Variants in TSHR observed in about 807,000 individuals in gnomAD.
The protein encoded by TSHR is thyrotropin receptor.
In TSHR, 51 loss-of-function variants were observed where a neutral mutation model predicts 64.1. That is an observed-to-expected ratio of 0.80 (90% CI 0.64 to 1.01). TSHR has a LOEUF of 1.01. Ranked by LOEUF, TSHR falls within the 50% of genes least tolerant of loss-of-function variation. The pLI is 0.00. For missense variants in TSHR, 877 were observed against 942.8 expected (o/e 0.93, Z 0.91); for synonymous variants, 361 against 361.9 (o/e 1.00, Z 0.03).
chr14:81,108,510 A>G (rs1257533781), intron 8 of TSHR, 58 bp downstream of exon 8: 1 of 568,272 alleles, frequency 1.8e-6, no homozygotes, highest in African/African-American at 3.0e-5. Context: ...TTTTTTTTGG[A>G]ATAAATGGAG....
At chr14:81,010,588 CA>C (rs1301950421) in intron 1 of TSHR, among the ~76,000 whole-genome samples, 7 of 151,988 alleles carry the variant, frequency 4.6e-5, no homozygotes, top group Non-Finnish European at 7.4e-5. Context: ...TATGCAACAA[CA>C]TTGCTTAACT....
intron 1 of TSHR, among the ~76,000 whole-genome samples, chr14:80,984,942 TC>T (rs1888362223): frequency 6.6e-6 from 1 of 152,106 alleles, no homozygotes; most frequent in Non-Finnish European, 1.5e-5. Flanking sequence ...TTGTTTTATA[TC>T]CTGAATTAAA....
chr14:81,109,546 A>C (rs1319092144), intron 8 of TSHR, among the ~76,000 whole-genome samples: 2 of 152,388 alleles, frequency 1.3e-5, no homozygotes, highest in Non-Finnish European at 1.5e-5. Context: ...AAATAAGAAC[A>C]AATTAAGTTT....
chr14:81,006,667 C>G (rs1889620472), intron 1 of TSHR, among the ~76,000 whole-genome samples: 1 of 152,134 alleles, frequency 6.6e-6, no homozygotes, highest in Non-Finnish European at 1.5e-5. Flanking sequence ...CACACACCAC[C>G]ATGCCCAGCT....
intron 1 of TSHR, among the ~76,000 whole-genome samples, chr14:80,979,420 G>T (rs1446979691): frequency 6.6e-6 from 1 of 152,194 alleles, no homozygotes; most frequent in Non-Finnish European, 1.5e-5. Flanking sequence ...TAAAGTTACA[G>T]TTAGGTAGGA....
At chr14:81,088,758 C>T (rs1210907107) in intron 4 of TSHR, among the ~76,000 whole-genome samples, 1 of 151,996 alleles carries the variant, frequency 6.6e-6, no homozygotes, top group Non-Finnish European at 1.5e-5. Context: ...AAACTTAATC[C>T]CAAACCCCAA....
chr14:80,967,196 ATAT>A (rs1268257225), intron 1 of TSHR, among the ~76,000 whole-genome samples: 18 of 150,038 alleles, frequency 1.2e-4, no homozygotes, highest in Non-Finnish European at 1.9e-4. Flanking sequence ...GTATATATAT[ATAT>A]ATATATATGC....
At chr14:81,090,015 G>A (rs1419560612) in intron 4 of TSHR, among the ~76,000 whole-genome samples, 4 of 151,360 alleles carry the variant, frequency 2.6e-5, no homozygotes, top group East Asian at 1.9e-4. Context: ...ACTGAGTAGT[G>A]TCTAGATCTC....
chr14:80,991,271 G>A (rs6574617), intron 1 of TSHR, among the ~76,000 whole-genome samples: 51,778 of 152,088 alleles, frequency 0.34, 9,644 homozygotes, highest in Non-Finnish European at 0.41. Context: ...CACCTAAGTA[G>A]GGGGAAGAAT....
intron 2 of TSHR, among the ~76,000 whole-genome samples, chr14:81,063,993 G>GA (rs1164000202): frequency 6.6e-6 from 1 of 152,128 alleles, no homozygotes; most frequent in East Asian, 1.9e-4. Flanking sequence ...GTGGGCAGTA[G>GA]AAAAAAATAA....
At chr14:81,138,551 A>G (rs1891550829) in intron 8 of TSHR, among the ~76,000 whole-genome samples, 1 of 152,078 alleles carries the variant, frequency 6.6e-6, no homozygotes, top group Non-Finnish European at 1.5e-5. Flanking sequence ...TATTTTTTTA[A>G]TTAAATACAA....
At chr14:80,992,945 T>C (rs914546745) in intron 1 of TSHR, 2 of 152,188 alleles carry the variant, frequency 1.3e-5, no homozygotes, top group African/African-American at 4.8e-5. Flanking sequence ...ACTGCGTTCC[T>C]TGTGGGTCGA....
At chr14:81,006,265 A>T (rs1197566443) in intron 1 of TSHR, among the ~76,000 whole-genome samples, 1 of 152,156 alleles carries the variant, frequency 6.6e-6, no homozygotes, top group Non-Finnish European at 1.5e-5. Context: ...TTAAACAACA[A>T]CAGTTTATTT....
chr14:81,133,268 A>C (rs1447391186), intron 8 of TSHR, among the ~76,000 whole-genome samples: 2 of 152,238 alleles, frequency 1.3e-5, no homozygotes, highest in Non-Finnish European at 2.9e-5. Context: ...CTATGCATAC[A>C]TTCACAGAAG....
At chr14:81,053,591 G>C (rs1299188832) in intron 1 of TSHR, 1 of 152,160 alleles carries the variant, frequency 6.6e-6, no homozygotes, top group South Asian at 2.1e-4. Context: ...ATGTAGAGTT[G>C]ACTGGAACTC....
At chr14:81,036,136 T>C (rs991227445) in intron 1 of TSHR, among the ~76,000 whole-genome samples, 5 of 152,078 alleles carry the variant, frequency 3.3e-5, no homozygotes, top group African/African-American at 9.7e-5. Context: ...GGGATTTCCA[T>C]AGGACAAAGA....
At chr14:80,956,074 A>G (rs1886660713) in intron 1 of TSHR, 1 of 617,226 alleles carries the variant, frequency 1.6e-6, no homozygotes, top group Non-Finnish European at 2.9e-6. Flanking sequence ...ACACAGGAAA[A>G]TGTTACAAAA....
chr14:81,059,733 T>C (rs1886093533), intron 1 of TSHR, among the ~76,000 whole-genome samples: 1 of 152,120 alleles, frequency 6.6e-6, no homozygotes, highest in South Asian at 2.1e-4. Flanking sequence ...GGTCTATATA[T>C]ATTGGTGAGC....
At chr14:80,963,647 G>T (rs1006847585) in intron 1 of TSHR, among the ~76,000 whole-genome samples, 5 of 152,234 alleles carry the variant, frequency 3.3e-5, no homozygotes, top group Admixed American at 1.3e-4. Flanking sequence ...CTGTGGGGCA[G>T]ATCTTAGCAA....
Sources: gnomAD v4.1 joint callset for allele counts (sites outside exome capture counted in the v4.1 genomes callset) on GRCh38, gnomAD v4.1.1 for gene constraint, MANE v1.5 for transcripts, NCBI Gene and HGNC (gene_info 2026-07-23, HGNC 2026-07-21) for gene names.